Variants in MIAT observed in about 807,000 individuals in gnomAD.
MIAT encodes the protein myocardial infarction associated transcript.
intron 2 of MIAT, among the ~76,000 whole-genome samples, chr22:26,656,838 T>TCG (rs1472645299): frequency 6.7e-6 from 1 of 148,628 alleles, no homozygotes; most frequent in Non-Finnish European, 1.5e-5. Flanking sequence ...ACCCAGGAGT[T>TCG]CGGGGGGGTG....
At chr22:26,675,911 A>G (rs1190121849) in exon 5 of MIAT, 3 of 398,576 alleles carry the variant, frequency 7.5e-6, no homozygotes, top group East Asian at 3.6e-5. Flanking sequence ...GACTAGGCCA[A>G]CATAGAGATT....
At chr22:26,672,749 A>G (rs986957763), downstream of MIAT, 22 of 398,882 alleles carry the variant, frequency 5.5e-5, 2 homozygotes, top group Admixed American at 7.9e-4. Context: ...CGGAAGTCAG[A>G]AAGCGGAGCC....
At chr22:26,657,876 G>A (rs1276668260) in intron 2 of MIAT, among the ~76,000 whole-genome samples, 1 of 152,234 alleles carries the variant, frequency 6.6e-6, no homozygotes, top group East Asian at 1.9e-4. Flanking sequence ...GGGATGGGGG[G>A]TGAGGTCAGG....
chr22:26,663,445 G>A (rs1459602169), intron 3 of MIAT: 3 of 398,424 alleles, frequency 7.5e-6, no homozygotes, highest in Non-Finnish European at 1.3e-5. Flanking sequence ...GTAGAGACCA[G>A]CTTAATGCTT....
intron 5 of MIAT, chr22:26,667,962 T>C: frequency 2.6e-6 from 1 of 381,910 alleles, no homozygotes; most frequent in Non-Finnish European, 4.6e-6. Flanking sequence ...GGAGTCACTG[T>C]GCCTGGCCTA....
At chr22:26,676,155 G>A (rs1016448276) in exon 5 of MIAT, 5 of 395,320 alleles carry the variant, frequency 1.3e-5, no homozygotes, top group African/African-American at 2.1e-5. Flanking sequence ...TGTGAGGGCT[G>A]TGCTGGTGTA....
At chr22:26,667,775 C>G in intron 5 of MIAT, 1 of 172,484 alleles carries the variant, frequency 5.8e-6, no homozygotes. Flanking sequence ...AACTCCAGGG[C>G]TCAATACATC....
downstream of MIAT, chr22:26,670,374 T>G (rs978792186): frequency 1.8e-5 from 7 of 398,230 alleles, no homozygotes; most frequent in Admixed American, 2.6e-4. Context: ...CCAGCTCACA[T>G]GGAGAATCAG....
At chr22:26,661,336 C>T (rs553763228) in intron 2 of MIAT, among the ~76,000 whole-genome samples, 2 of 152,270 alleles carry the variant, frequency 1.3e-5, no homozygotes, top group African/African-American at 4.8e-5. Flanking sequence ...GTCTCCCTAT[C>T]CCATCCCACT....
chr22:26,672,317 A>T (rs1391222642), downstream of MIAT: 1 of 399,038 alleles, frequency 2.5e-6, no homozygotes, highest in Non-Finnish European at 4.4e-6. Flanking sequence ...CTGTAGACAG[A>T]TGTCCCACTT....
chr22:26,648,291 C>A (rs1196529041), intron 2 of MIAT, among the ~76,000 whole-genome samples: 1 of 152,202 alleles, frequency 6.6e-6, no homozygotes, highest in Non-Finnish European at 1.5e-5. Flanking sequence ...CTCTGCCCCG[C>A]TTCTCTGTTG....
rs185366328 is a variant in MIAT, at chr22:26,648,168, G to A, written n.646+857G>A. Among the ~76,000 whole-genome samples the A allele has an allele frequency of 1.7e-3, 265 of 152,310 alleles. 1 individual carries two copies. Among genetic ancestry groups the A allele is most frequent in the African/African-American group, 6.1e-3 (252 of 41,562 alleles). ...AGAAGCAGTAGCAGAAGCCACTGCA[G>A]CAGGGAGAGGATGGCCAGGCTGCAG... is the stretch of plus-strand genomic sequence containing the variant. On this transcript the variant is annotated intron_variant and non_coding_transcript_variant, in intron 2 of 5. Coordinates refer to ENST00000643270, the Ensembl canonical transcript of MIAT.
intron 2 of MIAT, chr22:26,660,931 A>G (rs1930639748): frequency 6.6e-6 from 1 of 152,192 alleles, no homozygotes; most frequent in African/African-American, 2.4e-5. Context: ...GGTTTTAAAA[A>G]GCGGCCGTGA....
intron 2 of MIAT, among the ~76,000 whole-genome samples, chr22:26,662,067 C>T (rs1365248737): frequency 6.6e-6 from 1 of 151,334 alleles, no homozygotes; most frequent in African/African-American, 2.4e-5. Context: ...AGCGGTCCTC[C>T]TGTTGAAGCC....
intron 2 of MIAT, among the ~76,000 whole-genome samples, chr22:26,659,829 TTTCTTTCTTTC>T (rs1301151342): frequency 7.6e-5 from 9 of 117,876 alleles, no homozygotes; most frequent in South Asian, 2.5e-4. Flanking sequence ...TTTTTCTTTC[TTTCTTTCTTTC>T]TTTTTTTTTT....
At chr22:26,647,327 G>A (rs1297871263) in intron 2 of MIAT, 16 of 228,098 alleles carry the variant, frequency 7.0e-5, no homozygotes, top group Admixed American at 3.8e-4. Flanking sequence ...CTTCTCCCAT[G>A]ATGAACCTCA....
intron 2 of MIAT, chr22:26,657,076 C>T (rs1930481910): frequency 6.1e-6 from 1 of 165,234 alleles, no homozygotes; most frequent in Non-Finnish European, 1.3e-5. Flanking sequence ...TGGTTAAGCC[C>T]TTGGCGCTAT....
downstream of MIAT, chr22:26,673,538 G>A: frequency 2.5e-6 from 1 of 398,692 alleles, no homozygotes; most frequent in East Asian, 3.6e-5. Flanking sequence ...GTTCCTTTCA[G>A]CAGAAACTAA....
chr22:26,659,397 T>C (rs531926183), intron 2 of MIAT, among the ~76,000 whole-genome samples: 24 of 152,340 alleles, frequency 1.6e-4, no homozygotes, highest in South Asian at 1.4e-3. Flanking sequence ...ATCCTTGCCA[T>C]TGAGAACTGT....
Sources: gnomAD v4.1 joint callset for allele counts (sites outside exome capture counted in the v4.1 genomes callset) on GRCh38, gnomAD v4.1.1 for gene constraint, MANE v1.5 for transcripts, NCBI Gene and HGNC (gene_info 2026-07-23, HGNC 2026-07-21) for gene names.